The following ADAMTSL3 variants were observed in gnomAD, a reference collection of about 807,000 sequenced individuals.
ADAMTSL3 encodes the protein ADAMTS like 3.
ADAMTSL3 carries 128 observed loss-of-function variants against 201.7 expected under a neutral mutation model. That is an observed-to-expected ratio of 0.63 (90% confidence interval 0.55 to 0.73). The LOEUF is 0.73. ADAMTSL3 is among the 30% of genes least tolerant of loss of function. ADAMTSL3 has a pLI of 0.00. For missense variants in ADAMTSL3, 1,990 were observed against 2,119.6 expected (o/e 0.94, Z 1.20); for synonymous variants, 738 against 748.4 (o/e 0.99, Z 0.23).
intron 9 of ADAMTSL3, among the ~76,000 whole-genome samples, chr15:83,881,968 A>G (rs963110384): frequency 1.3e-5 from 2 of 152,076 alleles, no homozygotes; most frequent in Admixed American, 1.3e-4. Context: ...CCTGGCTAAC[A>G]TAGTGGAACC....
At chr15:83,987,895 C>T (rs1013547383) in intron 21 of ADAMTSL3, among the ~76,000 whole-genome samples, 5 of 151,852 alleles carry the variant, frequency 3.3e-5, no homozygotes, top group Admixed American at 1.3e-4. Flanking sequence ...ACCACTGATC[C>T]GGGTGATTTA....
At chr15:83,824,628 T>A (rs746415297) in intron 6 of ADAMTSL3, among the ~76,000 whole-genome samples, 6 of 152,200 alleles carry the variant, frequency 3.9e-5, no homozygotes, top group Non-Finnish European at 5.9e-5. Context: ...CTCTATGCTT[T>A]GCTCTTTCAT....
At chr15:83,833,963 C>T (rs942738738) in intron 6 of ADAMTSL3, among the ~76,000 whole-genome samples, 12 of 152,196 alleles carry the variant, frequency 7.9e-5, no homozygotes, top group African/African-American at 2.9e-4. Flanking sequence ...TAAAAATCGT[C>T]TTCCTGTTAA....
intron 28 of ADAMTSL3, among the ~76,000 whole-genome samples, 169 bp from the exon 29 acceptor site, chr15:84,036,604 C>T (rs901129232): frequency 2.6e-5 from 4 of 152,164 alleles, no homozygotes; most frequent in African/African-American, 9.7e-5. Context: ...TTGTCACTGT[C>T]GTTCTAGCCT....
chr15:83,908,393 C>T (rs1286816563), intron 15 of ADAMTSL3, among the ~76,000 whole-genome samples: 1 of 152,192 alleles, frequency 6.6e-6, no homozygotes, highest in African/African-American at 2.4e-5. Flanking sequence ...CAATGAATGT[C>T]TGATGTTACT....
rs76915706 is a variant in ADAMTSL3 at position 83,856,742 on chromosome 15, G to A, written c.728-2024G>A. Among the ~76,000 whole-genome samples the A allele has an allele frequency of 2.4e-3, 360 of 152,142 alleles. 3 individuals are homozygous for A. The highest frequency in any genetic ancestry group is 8.3e-3 in the African/African-American group (343 of 41,512). On this transcript the variant is annotated intron_variant, in intron 7 of 29. Coordinates refer to ENST00000286744, the MANE Select transcript of ADAMTSL3 (RefSeq NM_207517.3). ...GATACTTAGGTTGTTTCTTCCTTTCGTCTATTGGGAATAATGCTGCCATGA... is the reference window on the plus strand; with the variant it reads ...GATACTTAGGTTGTTTCTTCCTTTCATCTATTGGGAATAATGCTGCCATGA...
At chr15:84,004,618 G>A (rs1211011246) in intron 23 of ADAMTSL3, among the ~76,000 whole-genome samples, 1 of 152,128 alleles carries the variant, frequency 6.6e-6, no homozygotes, top group African/African-American at 2.4e-5. Flanking sequence ...GTAACTGGGA[G>A]TGAACTAAAA....
rs149005280 is a variant in ADAMTSL3 at position 83,969,168 on chromosome 15, G to A, written c.2491-1316G>A. On this transcript the variant is annotated intron_variant, in intron 19 of 29. Coordinates refer to ENST00000286744, the MANE Select transcript of ADAMTSL3 (RefSeq NM_207517.3). ...AAAGTATAATAATTTTAAAAAGGCC[G>A]GCCGTGGCTTCTCACGCCTATAATC... Among the ~76,000 whole-genome samples the A allele has an allele frequency of 1.2e-4, 18 of 152,084 alleles. No individual in the cohort carries two copies. In the East Asian group the frequency reaches 1.5e-3, roughly 13 times the overall value.
intron 3 of ADAMTSL3, among the ~76,000 whole-genome samples, chr15:83,742,927 A>G (rs1225719605): frequency 6.6e-6 from 1 of 152,022 alleles, no homozygotes; most frequent in African/African-American, 2.4e-5. Flanking sequence ...CACATCTGTT[A>G]TTTTCTCTCT....
chr15:83,706,149 C>A (rs2061848104), intron 3 of ADAMTSL3, among the ~76,000 whole-genome samples: 1 of 152,020 alleles, frequency 6.6e-6, no homozygotes, highest in Non-Finnish European at 1.5e-5. Flanking sequence ...ATGAGAACTT[C>A]AGAGGAACTA....
At chr15:83,694,079 C>T (rs1222549468) in intron 2 of ADAMTSL3, among the ~76,000 whole-genome samples, 1 of 152,180 alleles carries the variant, frequency 6.6e-6, no homozygotes, top group Admixed American at 6.5e-5. Flanking sequence ...GTGCAGATTC[C>T]ACTGCCTAGA....
chr15:83,697,850 G>A (rs760873855), intron 2 of ADAMTSL3, among the ~76,000 whole-genome samples: 7 of 152,100 alleles, frequency 4.6e-5, no homozygotes, highest in Non-Finnish European at 1.0e-4. Context: ...GAGGTTGGGG[G>A]TGAGGACTGA....
At chr15:83,942,268 A>T (rs1329983956) in intron 17 of ADAMTSL3, among the ~76,000 whole-genome samples, 1 of 152,174 alleles carries the variant, frequency 6.6e-6, no homozygotes, top group Non-Finnish European at 1.5e-5. Flanking sequence ...ATAAATCATC[A>T]TTGCCTTGGG....
chr15:83,751,117 A>G, intron 3 of ADAMTSL3, among the ~76,000 whole-genome samples: 1 of 152,160 alleles, frequency 6.6e-6, no homozygotes, highest in East Asian at 1.9e-4. Context: ...CATTAGTCAC[A>G]TGGTTTGTTC....
At chr15:83,728,695 A>C (rs765122399) in intron 3 of ADAMTSL3, among the ~76,000 whole-genome samples, 8 of 151,886 alleles carry the variant, frequency 5.3e-5, no homozygotes, top group Non-Finnish European at 1.0e-4. Flanking sequence ...TTTACATCTT[A>C]TTATACTGTC....
intron 4 of ADAMTSL3, among the ~76,000 whole-genome samples, chr15:83,777,571 G>A (rs1006006176): frequency 6.6e-6 from 1 of 151,968 alleles, no homozygotes; most frequent in African/African-American, 2.4e-5. Flanking sequence ...CTAGAATCAA[G>A]CCCTCAAGGT....
chr15:83,825,518 C>T (rs1300337038), intron 6 of ADAMTSL3, among the ~76,000 whole-genome samples: 2 of 152,010 alleles, frequency 1.3e-5, no homozygotes, highest in African/African-American at 2.4e-5. Context: ...TACTCAGGTA[C>T]CTGAGGCAAG....
intron 7 of ADAMTSL3, among the ~76,000 whole-genome samples, chr15:83,842,572 A>G (rs1301885067): frequency 6.6e-6 from 1 of 152,218 alleles, no homozygotes; most frequent in African/African-American, 2.4e-5. Flanking sequence ...TACCTCTTAC[A>G]TACTTTAAGT....
chr15:83,839,068 G>A (rs985551387), intron 7 of ADAMTSL3, among the ~76,000 whole-genome samples: 6 of 152,120 alleles, frequency 3.9e-5, no homozygotes, highest in African/African-American at 9.7e-5. Flanking sequence ...AATTATTCAC[G>A]TATGTTTTCT....
Sources: allele counts gnomAD v4.1 joint callset (sites outside exome capture counted in the v4.1 genomes callset), GRCh38; gene constraint gnomAD v4.1.1; transcripts MANE v1.5; gene names NCBI Gene and HGNC (gene_info 2026-07-23, HGNC 2026-07-21).